The following ZC3H12D variants were observed in gnomAD, a reference collection of about 807,000 sequenced individuals.
ZC3H12D encodes the protein zinc finger CCCH-type containing 12D.
ZC3H12D carries 11 observed loss-of-function variants against 24.2 expected under a neutral mutation model. The observed-to-expected ratio is 0.46, with a 90% CI of 0.29 to 0.75. ZC3H12D has a LOEUF of 0.75. Ranked by LOEUF, ZC3H12D falls within the 30% of genes least tolerant of loss-of-function variation. The probability of loss-of-function intolerance (pLI) is 0.11; values close to 1 mark genes in which losing one functional copy is unlikely to be tolerated. For missense variants in ZC3H12D, 740 were observed against 767.7 expected (o/e 0.96, Z 0.43); for synonymous variants, 333 against 341.8 (o/e 0.97, Z 0.28).
chr6:149,459,782 T>TG, intron 3 of ZC3H12D: 1 of 704,854 alleles, frequency 1.4e-6, no homozygotes, highest in East Asian at 2.7e-5. Context: ...GAATAAGTGG[T>TG]GGGCAGAGGC....
chr6:149,476,574 G>A (rs1273193762), intron 1 of ZC3H12D, among the ~76,000 whole-genome samples: 9 of 152,110 alleles, frequency 5.9e-5, no homozygotes, highest in Non-Finnish European at 1.2e-4. Context: ...CTGGGGGGCC[G>A]AGGCAGGCGT....
intron 1 of ZC3H12D, among the ~76,000 whole-genome samples, chr6:149,483,536 T>C (rs190770885): frequency 2.0e-5 from 3 of 152,176 alleles, no homozygotes; most frequent in Admixed American, 2.0e-4. Flanking sequence ...TCTGTCTCAA[T>C]AAATATGATG....
Position 149,450,244 on chromosome 6 carries a change from A to T in ZC3H12D, c.*439T>A. 1 of 166,322 alleles carries T rather than the reference A, an allele frequency of 6.0e-6. No individual in the cohort carries two copies. Among genetic ancestry groups the T allele is most frequent in the African/African-American group, 2.4e-5 (1 of 42,138 alleles). 10.3% of individuals were successfully genotyped at this position (166,322 alleles called of 1,614,324 possible). ...AAACTTCTGACTACGACCCACATTG[A>T]GGTTAGTTACATGGCTGCCAAGGGG... is the stretch of plus-strand genomic sequence containing the variant. On this transcript the variant is annotated 3_prime_UTR_variant, in exon 6 of 6. Transcript: ENST00000409806.
chr6:149,457,132 AT>A (rs1775997457), intron 3 of ZC3H12D, among the ~76,000 whole-genome samples: 2 of 152,336 alleles, frequency 1.3e-5, no homozygotes, highest in East Asian at 1.9e-4. Context: ...TCCTGCCCAC[AT>A]CATGACAGGA....
chr6:149,476,500 T>A (rs1278534526), intron 1 of ZC3H12D, among the ~76,000 whole-genome samples: 1 of 123,724 alleles, frequency 8.1e-6, no homozygotes, highest in Admixed American at 7.3e-5. Context: ...TGAGACTCCA[T>A]CTCTCAAAAA....
Position 149,448,836 on chromosome 6 carries a change from C to A in ZC3H12D, c.*1847G>T, listed in dbSNP as rs1222873321. The A allele has an allele frequency of 2.0e-5, 3 of 152,160 alleles. No homozygotes were observed. The highest frequency in any genetic ancestry group is 4.4e-5 in the Non-Finnish European group (3 of 68,024). 9.4% of individuals were successfully genotyped at this position (152,160 alleles called of 1,614,324 possible). On this transcript the variant is annotated 3_prime_UTR_variant, in exon 6 of 6. Coordinates refer to ENST00000409806, the MANE Select transcript of ZC3H12D (RefSeq NM_207360.3). Reference sequence around the variant, plus strand: ...TGGGAACGCACTCTCCCTGAGGTGCCCCCCAGGCCTGCCAACATCTCATGA... The same window carrying A: ...TGGGAACGCACTCTCCCTGAGGTGCACCCCAGGCCTGCCAACATCTCATGA...
intron 2 of ZC3H12D, among the ~76,000 whole-genome samples, chr6:149,469,727 G>A (rs1456953642): frequency 6.6e-6 from 1 of 152,150 alleles, no homozygotes; most frequent in East Asian, 1.9e-4. Flanking sequence ...TGGGCTGCTA[G>A]TCCATGAGAG....
intron 2 of ZC3H12D, among the ~76,000 whole-genome samples, chr6:149,464,045 C>T (rs1038733970): frequency 1.3e-5 from 2 of 152,154 alleles, no homozygotes; most frequent in Non-Finnish European, 2.9e-5. Context: ...AGTTGTAGGC[C>T]GTCTCTGTGT....
At position 149,456,650 on chromosome 6, in the gene ZC3H12D, C is replaced by A; in HGVS notation, c.680+16G>T. 3 of 1,586,850 alleles carry A rather than the reference C, an allele frequency of 1.9e-6. No individual in the cohort carries two copies. The highest frequency in any genetic ancestry group is 2.6e-6 in the Non-Finnish European group (3 of 1,157,360). ...CCCGCCGCCCCCCAGGGTGTCAGGA[C>A]CCCAGCCGGACCTACCGGTCGTTGA... is the stretch of plus-strand genomic sequence containing the variant. On this transcript the variant is annotated intron_variant, in intron 4 of 5. Transcript: ENST00000409806. This position sits in a 1 kb window ranked among gnomAD's most constrained non-coding sequence, Gnocchi z 4.3.
At position 149,450,882 on chromosome 6, in the gene ZC3H12D, G is replaced by A. The variant is rs751736501; in HGVS notation, c.1385C>T (p.Thr462Ile). The change falls in exon 6 of 6, where the codon ACT becomes ATT. Residue 462 changes from threonine (T) to isoleucine (I), a missense_variant. Transcript: ENST00000409806. ...WAEPAWGDGA[T>I]GGLSVYATED... ...GGTCGCGTACACTGAAAGTCCCCCA[G>A]TGGCGCCGTCGCCCCAGGCCGGCTC... The A allele has an allele frequency of 6.5e-7, 1 of 1,541,696 alleles. No homozygotes were observed.
At chr6:149,465,470 G>A (rs1424113448) in intron 2 of ZC3H12D, among the ~76,000 whole-genome samples, 2 of 151,486 alleles carry the variant, frequency 1.3e-5, no homozygotes, top group African/African-American at 4.9e-5. Flanking sequence ...AAAGGAAGAG[G>A]AAGGCCGGGT....
At chr6:149,460,159 C>G (rs1417962815) in intron 3 of ZC3H12D, among the ~76,000 whole-genome samples, 1 of 152,224 alleles carries the variant, frequency 6.6e-6, no homozygotes, top group Non-Finnish European at 1.5e-5. Flanking sequence ...TAATAAAGAG[C>G]TTTGCAGCTG....
chr6:149,469,254 G>A (rs1047368498), intron 2 of ZC3H12D, among the ~76,000 whole-genome samples: 3 of 152,132 alleles, frequency 2.0e-5, no homozygotes, highest in African/African-American at 4.8e-5. Context: ...TCAGGAGATC[G>A]AGACCATCCT....
At position 149,479,512 on chromosome 6, in the gene ZC3H12D, C is replaced by T. The variant is rs112879458; in HGVS notation, c.-70-4899G>A. 9.6e-3 allele frequency among the ~76,000 whole-genome samples: 1,464 copies of T among 152,216 alleles called. 13 individuals are homozygous for T. Among genetic ancestry groups the T allele is most frequent in the Non-Finnish European group, 0.015 (997 of 68,014 alleles). On this transcript the variant is annotated intron_variant, in intron 1 of 5. Transcript: ENST00000409806. Reference sequence around the variant, plus strand: ...CAGATGTTATTCAGAGCAGTCACCCCGGAGCCTACAGACAGAATGAGCAGC... The same window carrying T: ...CAGATGTTATTCAGAGCAGTCACCCTGGAGCCTACAGACAGAATGAGCAGC...
chr6:149,458,510 T>C (rs1274159890), intron 3 of ZC3H12D, among the ~76,000 whole-genome samples: 1 of 152,144 alleles, frequency 6.6e-6, no homozygotes, highest in Non-Finnish European at 1.5e-5. Flanking sequence ...TTAAGCAGCT[T>C]GTCTTTTTCG....
intron 1 of ZC3H12D, among the ~76,000 whole-genome samples, chr6:149,480,561 A>G (rs1776408339): frequency 6.6e-6 from 1 of 152,134 alleles, no homozygotes; most frequent in African/African-American, 2.4e-5. Flanking sequence ...ACGTGGAGAA[A>G]CCCTGTCTCT....
intron 1 of ZC3H12D, among the ~76,000 whole-genome samples, chr6:149,475,325 T>C (rs1182490502): frequency 6.6e-6 from 1 of 152,222 alleles, no homozygotes; most frequent in East Asian, 1.9e-4. Context: ...GGGCGAATTC[T>C]ACTCCCAGAA....
At chr6:149,474,885 C>G (rs1039668933) in intron 1 of ZC3H12D, among the ~76,000 whole-genome samples, 49 of 152,232 alleles carry the variant, frequency 3.2e-4, no homozygotes, top group Non-Finnish European at 3.1e-4. Flanking sequence ...GAGCGTGCAC[C>G]TAGCACTCGG....
At chr6:149,482,030 G>T (rs766480894) in intron 1 of ZC3H12D, among the ~76,000 whole-genome samples, 1 of 152,358 alleles carries the variant, frequency 6.6e-6, no homozygotes, top group Admixed American at 6.5e-5. Context: ...AGGGACAGCC[G>T]CCCAGGGCCG....
Sources: allele counts gnomAD v4.1 joint callset (sites outside exome capture counted in the v4.1 genomes callset), GRCh38; gene constraint gnomAD v4.1.1; non-coding constraint Gnocchi (gnomAD v3.1); transcripts MANE v1.5; gene names NCBI Gene and HGNC (gene_info 2026-07-23, HGNC 2026-07-21).